KLF3: variants seen among roughly 807,000 people sequenced by gnomAD.
The protein encoded by KLF3 is KLF transcription factor 3.
A neutral mutation model predicts 32.7 loss-of-function variants in KLF3; 6 were observed. The observed-to-expected ratio is 0.18, with a 90% CI of 0.10 to 0.36. The LOEUF (loss-of-function observed/expected upper bound fraction) is 0.36, where lower values mean the gene tolerates loss of function less well. KLF3 is among the 10% of genes least tolerant of loss of function. The pLI, the probability that KLF3 is intolerant of heterozygous loss-of-function variation, is 1.00. For synonymous variants in KLF3, 145 were observed against 172.8 expected (o/e 0.84, Z 1.26); for missense variants, 338 against 449.7 (o/e 0.75, Z 2.25).
At chr4:38,685,231 G>A (rs17500787) in intron 2 of KLF3, among the ~76,000 whole-genome samples, 9,616 of 152,222 alleles carry the variant, frequency 0.063, 351 homozygotes, top group Non-Finnish European at 0.069. Context: ...AAAAGCTTGT[G>A]TGTGCCACCC....
At chr4:38,680,708 C>T (rs754329020) in intron 2 of KLF3, 26 bp downstream of exon 2, 4 of 1,567,266 alleles carry the variant, frequency 2.6e-6, no homozygotes, top group South Asian at 2.2e-5. Flanking sequence ...TTGAACACCT[C>T]GCCTTATTTT....
At chr4:38,680,425 G>A (rs1722484337) in intron 1 of KLF3, among the ~76,000 whole-genome samples, 162 bp from the exon 2 acceptor site, 2 of 152,058 alleles carry the variant, frequency 1.3e-5, no homozygotes, top group Non-Finnish European at 2.9e-5. Flanking sequence ...TGTTGGCCAG[G>A]CTGGTCTTGA....
intron 1 of KLF3, among the ~76,000 whole-genome samples, chr4:38,675,956 T>C (rs1238265087): frequency 6.6e-5 from 10 of 152,198 alleles, no homozygotes. Flanking sequence ...GATCAGAACC[T>C]GTAAACAAAT....
At chr4:38,694,672 T>C (rs903947477) in intron 4 of KLF3, 74 bp from the exon 5 acceptor site, 3 of 1,321,520 alleles carry the variant, frequency 2.3e-6, no homozygotes, top group African/African-American at 1.5e-5. Flanking sequence ...CCAGTGTTGT[T>C]AATGCTTTTA....
At chr4:38,673,391 G>A (rs907814243) in intron 1 of KLF3, among the ~76,000 whole-genome samples, 2 of 152,210 alleles carry the variant, frequency 1.3e-5, no homozygotes, top group African/African-American at 4.8e-5. Flanking sequence ...GCCTCACGCA[G>A]CCCTTCTGGA....
intron 2 of KLF3, among the ~76,000 whole-genome samples, chr4:38,682,983 C>T (rs191543613): frequency 1.3e-4 from 20 of 152,124 alleles, no homozygotes; most frequent in African/African-American, 4.1e-4. Context: ...TCAGTGCAAC[C>T]TCAGTTAACA....
intron 4 of KLF3, among the ~76,000 whole-genome samples, chr4:38,693,391 C>T (rs1056131755): frequency 6.6e-6 from 1 of 150,890 alleles, no homozygotes; most frequent in African/African-American, 2.4e-5. Flanking sequence ...TTAAGAAACA[C>T]ACCTTTTATT....
chr4:38,676,426 G>A (rs948934898), intron 1 of KLF3, among the ~76,000 whole-genome samples: 2 of 152,202 alleles, frequency 1.3e-5, no homozygotes, highest in Non-Finnish European at 2.9e-5. Flanking sequence ...GGGTGACAGA[G>A]TGGGACTCCA....
rs910846595 is a variant in KLF3, at chr4:38,690,005, C to T, written c.695+126C>T. The stretch of plus-strand genomic sequence containing the variant: ...CCAGGAACGGCTTGTGATCTGTGGC[C>T]GCCACTGGTCCAGTACCACTGGTCA... On this transcript the variant is annotated intron_variant, in intron 4 of 5. Transcript: ENST00000261438. The T allele has an allele frequency of 4.1e-5, 36 of 868,694 alleles. 1 individual carries two copies. Among genetic ancestry groups the T allele is most frequent in the South Asian group, 7.6e-5 (4 of 52,922 alleles). The allele number at this position is 868,694 out of a possible 1,614,324, so 53.8% of individuals were successfully genotyped here. A position where few individuals can be genotyped will look rare whatever the true frequency, so the allele number is the denominator to read the frequency against.
Position 38,688,803 on chromosome 4 carries a change from G to A in KLF3, c.276G>A (p.Ser92=), listed in dbSNP as rs577513330. The A allele has an allele frequency of 3.8e-5, 61 of 1,614,136 alleles. No individual in the cohort carries two copies. In the South Asian group the frequency reaches 4.5e-4, roughly 12 times the overall value. ...LKFPSSHRRA[S]PGLSMPSSSP... ...TCCCGTCCTCACACCGGAGAGCCTC[G>A]CCTGGGTTGAGCATGCCTTCTTCCA... Residue 92 remains serine, a synonymous_variant, in exon 3 of 6, where the codon TCG becomes TCA. Coordinates refer to ENST00000261438, the MANE Select transcript of KLF3 (RefSeq NM_016531.6). This position sits in a 1 kb window ranked among gnomAD's most constrained non-coding sequence, Gnocchi z 4.9.
chr4:38,673,892 TG>T (rs1722269424), intron 1 of KLF3, among the ~76,000 whole-genome samples: 1 of 152,092 alleles, frequency 6.6e-6, no homozygotes, highest in African/African-American at 2.4e-5. Context: ...GTGGAGCAGA[TG>T]GGTGGAGGCA....
At chr4:38,689,195 C>G (rs550286330) in intron 3 of KLF3, 124 bp downstream of exon 3, 1 of 1,217,970 alleles carries the variant, frequency 8.2e-7, no homozygotes, top group African/African-American at 1.5e-5. Context: ...TACTCATCTG[C>G]CTAAGGCATT....
chr4:38,687,794 A>G (rs1188437339), intron 2 of KLF3, among the ~76,000 whole-genome samples: 1 of 152,178 alleles, frequency 6.6e-6, no homozygotes, highest in East Asian at 1.9e-4. Flanking sequence ...AACACTGAGC[A>G]AGTTAGGGCC....
intron 1 of KLF3, among the ~76,000 whole-genome samples, chr4:38,669,925 A>T (rs973194256): frequency 5.9e-5 from 7 of 117,668 alleles, no homozygotes; most frequent in African/African-American, 2.0e-4. Context: ...AAAAAAAAAG[A>T]TGTCCTCTTA....
Position 38,688,870 on chromosome 4 carries a change from C to T in KLF3, c.343C>T (p.Gln115Ter). Residue 115 changes from glutamine to a stop codon, truncating the protein, a stop_gained, in exon 3 of 6, where the codon CAG (glutamine) becomes TAG (stop). Coordinates refer to ENST00000261438, the MANE Select transcript of KLF3 (RefSeq NM_016531.6). LOFTEE classifies it high-confidence loss of function. The surrounding 1 kb of genome is among the most constrained non-coding windows in gnomAD (Gnocchi z 4.9). Reference sequence around the variant, plus strand: ...ATACTCACCCCCTTCTCCAGGCGTGCAGCCCTTCGGCGTGCCGCTGTCCAT... The same window carrying T: ...ATACTCACCCCCTTCTCCAGGCGTGTAGCCCTTCGGCGTGCCGCTGTCCAT... Reference protein sequence around the residue: ...KKYSPPSPGVQPFGVPLSMPP... With the variant: ...KKYSPPSPGV 6.2e-7 allele frequency: 1 copy of T among 1,614,246 alleles called. No individual in the cohort carries two copies. The highest frequency in any genetic ancestry group is 8.5e-7 in the Non-Finnish European group (1 of 1,180,036).
At chr4:38,670,236 T>C (rs1055706037) in intron 1 of KLF3, among the ~76,000 whole-genome samples, 1 of 152,218 alleles carries the variant, frequency 6.6e-6, no homozygotes, top group Non-Finnish European at 1.5e-5. Context: ...CCCTGTTTCC[T>C]GTAAGGGGGC....
chr4:38,696,186 GAAAAAA>G (rs57996051), intron 5 of KLF3, among the ~76,000 whole-genome samples: 20 of 99,258 alleles, frequency 2.0e-4, no homozygotes, highest in African/African-American at 7.4e-4. Context: ...TTAGATGTAG[GAAAAAA>G]AAAAAAAAAA....
chr4:38,677,898 T>TGTGA (rs1290236968), intron 1 of KLF3, among the ~76,000 whole-genome samples: 1 of 151,732 alleles, frequency 6.6e-6, no homozygotes, highest in African/African-American at 2.4e-5. Flanking sequence ...TGTGTGTGTG[T>TGTGA]GTGTGTGTGT....
At chr4:38,687,407 C>A (rs1234275442) in intron 2 of KLF3, among the ~76,000 whole-genome samples, 1 of 152,150 alleles carries the variant, frequency 6.6e-6, no homozygotes, top group Non-Finnish European at 1.5e-5. Context: ...TAGGTGAACT[C>A]CATGGTCAAG....
Sources: gnomAD v4.1 joint callset for allele counts (sites outside exome capture counted in the v4.1 genomes callset) on GRCh38, gnomAD v4.1.1 for gene constraint, Gnocchi (gnomAD v3.1) non-coding constraint, MANE v1.5 for transcripts, NCBI Gene and HGNC (gene_info 2026-07-23, HGNC 2026-07-21) for gene names.